SHQ1: variants seen among roughly 807,000 people sequenced by gnomAD.
SHQ1 encodes the protein protein SHQ1 homolog.
SHQ1 carries 49 observed loss-of-function variants against 53.8 expected under a neutral mutation model. That is an observed-to-expected ratio of 0.91 (90% CI 0.72 to 1.16). The LOEUF is 1.16. Among genes scored for constraint, SHQ1 ranks in the 50% most tolerant of loss-of-function variants. The pLI is 0.00. For synonymous variants in SHQ1, 243 were observed against 251.0 expected (o/e 0.97, Z 0.30); for missense variants, 738 against 683.1 (o/e 1.08, Z -0.90).
chr3:72,776,429 C>A (rs1705959522), intron 10 of SHQ1, among the ~76,000 whole-genome samples: 1 of 152,106 alleles, frequency 6.6e-6, no homozygotes. Context: ...CACCATAGAG[C>A]CTAGGTGTGT....
chr3:72,752,716 A>T (rs1410015672), intron 10 of SHQ1, among the ~76,000 whole-genome samples: 1 of 152,106 alleles, frequency 6.6e-6, no homozygotes, highest in Non-Finnish European at 1.5e-5. Flanking sequence ...TTTAGTAGAG[A>T]CAGGGTTTCA....
chr3:72,735,750 AAGGC>A, the SHQ1 span, among the ~76,000 whole-genome samples: 2,279 of 121,564 alleles, frequency 0.019, 24 homozygotes, highest in African/African-American at 0.051. Flanking sequence ...GGAAGGAAGG[AAGGC>A]AGGCAGGCAG....
chr3:72,802,689 C>T (rs1271456890), intron 9 of SHQ1, among the ~76,000 whole-genome samples: 2 of 152,104 alleles, frequency 1.3e-5, no homozygotes, highest in Admixed American at 6.6e-5. Flanking sequence ...TCTTTAGTAA[C>T]TACCATTATA....
chr3:72,773,323 A>T (rs1353988916), intron 10 of SHQ1: 7 of 599,200 alleles, frequency 1.2e-5, no homozygotes, highest in Non-Finnish European at 2.2e-5. Flanking sequence ...CAAAGACAAG[A>T]AGGAAAAAAA....
At chr3:72,812,581 GT>G in intron 9 of SHQ1, 89 bp downstream of exon 9, 1 of 1,476,358 alleles carries the variant, frequency 6.8e-7, no homozygotes, top group South Asian at 1.2e-5. Context: ...TTTATATACA[GT>G]AAAAAAGCAA....
At chr3:72,727,406 A>G in the SHQ1 span, among the ~76,000 whole-genome samples, 2 of 152,160 alleles carry the variant, frequency 1.3e-5, no homozygotes, top group African/African-American at 4.8e-5. Context: ...TCTACAGGAT[A>G]AAAACAGGAA....
intron 9 of SHQ1, among the ~76,000 whole-genome samples, chr3:72,799,874 A>G (rs1196147046): frequency 6.6e-6 from 1 of 152,136 alleles, no homozygotes. Flanking sequence ...ATAATTTACC[A>G]TCTATCCAAG....
At chr3:72,764,981 C>T (rs912712796) in intron 10 of SHQ1, among the ~76,000 whole-genome samples, 3 of 152,196 alleles carry the variant, frequency 2.0e-5, no homozygotes, top group African/African-American at 7.2e-5. Flanking sequence ...GACTCTGTCC[C>T]ATCCCTCTTA....
intron 9 of SHQ1, among the ~76,000 whole-genome samples, chr3:72,801,779 C>T (rs753729902): frequency 2.0e-5 from 3 of 152,162 alleles, no homozygotes; most frequent in African/African-American, 4.8e-5. Context: ...TTTATCTCTA[C>T]ATATAAGTTT....
chr3:72,844,718 T>A (rs1023166454), intron 1 of SHQ1, among the ~76,000 whole-genome samples: 9 of 152,174 alleles, frequency 5.9e-5, no homozygotes, highest in African/African-American at 1.9e-4. Flanking sequence ...ACAAGTTGAG[T>A]ATCCCTAATC....
At chr3:72,786,782 C>T (rs956829729) in intron 10 of SHQ1, among the ~76,000 whole-genome samples, 1 of 152,152 alleles carries the variant, frequency 6.6e-6, no homozygotes, top group Non-Finnish European at 1.5e-5. Flanking sequence ...CCACCTGGCA[C>T]ATAATAGAGC....
intron 5 of SHQ1, among the ~76,000 whole-genome samples, chr3:72,830,665 GA>G (rs1448233114): frequency 6.6e-6 from 1 of 152,098 alleles, no homozygotes; most frequent in Non-Finnish European, 1.5e-5. Context: ...ACTGCTATCA[GA>G]AAAGTCACAA....
intron 10 of SHQ1, among the ~76,000 whole-genome samples, chr3:72,764,092 AT>A (rs1705667478): frequency 6.6e-6 from 1 of 152,020 alleles, no homozygotes; most frequent in Non-Finnish European, 1.5e-5. Flanking sequence ...AGGGGAATAG[AT>A]TAGTTTGTTT....
At chr3:72,779,415 G>C (rs1260498150) in intron 10 of SHQ1, among the ~76,000 whole-genome samples, 3 of 152,156 alleles carry the variant, frequency 2.0e-5, no homozygotes, top group African/African-American at 7.2e-5. Context: ...CCCCTCACCA[G>C]GCGAGGTCAG....
the SHQ1 span, among the ~76,000 whole-genome samples, chr3:72,739,224 A>T: frequency 6.6e-6 from 1 of 152,122 alleles, no homozygotes; most frequent in East Asian, 1.9e-4. Context: ...AAGCCGTGTC[A>T]CTTCTCAAGT....
intron 9 of SHQ1, 54 bp from the exon 10 acceptor site, chr3:72,793,090 C>A: frequency 6.8e-7 from 1 of 1,476,352 alleles, no homozygotes; most frequent in Non-Finnish European, 9.3e-7. Context: ...AAATTCAGAC[C>A]CTGAGAGGTA....
intron 10 of SHQ1, among the ~76,000 whole-genome samples, chr3:72,781,492 C>T (rs556338019): frequency 9.9e-5 from 15 of 152,228 alleles, no homozygotes; most frequent in African/African-American, 3.6e-4. Flanking sequence ...GCATTTAAGT[C>T]AGGTAGTTAA....
the SHQ1 span, among the ~76,000 whole-genome samples, chr3:72,743,007 T>G: frequency 6.6e-6 from 1 of 152,210 alleles, no homozygotes; most frequent in Non-Finnish European, 1.5e-5. Flanking sequence ...ATCCTTCTAC[T>G]TTTTGGCATT....
At position 72,750,714 on chromosome 3, in the gene SHQ1, G is replaced by A; in HGVS notation, c.1304C>T (p.Ala435Val). The A allele has an allele frequency of 6.4e-7, 1 of 1,572,170 alleles. No homozygotes were observed. Among genetic ancestry groups the A allele is most frequent in the Non-Finnish European group, 8.6e-7 (1 of 1,157,592 alleles). The change falls in exon 11 of 11, where the codon GCA (alanine) becomes GTA (valine). Residue 435 changes from alanine (A) to valine (V), a missense_variant. Ala to Val is a moderately conservative substitution (Grantham distance 64, BLOSUM62 0). Coordinates refer to ENST00000325599, the MANE Select transcript of SHQ1 (RefSeq NM_018130.3). ...AALLVQEEET[A>V]LKAAHSVSGQ... is the part of the protein sequence containing the mutation. ...AGAAACTGAATGGGCTGCTTTTAATGCAGTTTCTTCCTCCTGGACAAGCAG... is the reference window on the plus strand; with the variant it reads ...AGAAACTGAATGGGCTGCTTTTAATACAGTTTCTTCCTCCTGGACAAGCAG...
Sources: gnomAD v4.1 joint callset for allele counts (sites outside exome capture counted in the v4.1 genomes callset) on GRCh38, gnomAD v4.1.1 for gene constraint, MANE v1.5 for transcripts, NCBI Gene and HGNC (gene_info 2026-07-23, HGNC 2026-07-21) for gene names.